CDK18: variants seen among roughly 807,000 people sequenced by gnomAD.
The protein encoded by CDK18 is cyclin-dependent kinase 18.
A neutral mutation model predicts 62.0 loss-of-function variants in CDK18; 52 were observed. The ratio of observed to expected loss-of-function variants is 0.84; its 90% CI spans 0.67 to 1.06. The LOEUF is 1.06. Ranked by LOEUF, CDK18 falls within the 50% of genes least tolerant of loss-of-function variation. CDK18 has a pLI of 0.00. For synonymous variants in CDK18, 237 were observed against 247.0 expected (o/e 0.96, Z 0.38); for missense variants, 604 against 619.9 (o/e 0.97, Z 0.27).
In CDK18 at chr1:205,529,506, G is replaced by C; in HGVS notation, c.1179-15G>C. On this transcript the variant is annotated splice_polypyrimidine_tract_variant and intron_variant, in intron 12 of 15. Transcript: ENST00000429964. ...CCAATCAGGCACAGCCTGTGTCCGC[G>C]CCTTCTCCTTGCAGGTTGGATACGG... 1 of 1,609,934 alleles carries C rather than the reference G, an allele frequency of 6.2e-7. No homozygotes were observed. Among genetic ancestry groups the C allele is most frequent in the South Asian group, 1.1e-5 (1 of 90,636 alleles).
chr1:205,526,747 C>G, intron 7 of CDK18, 28 bp from the exon 8 acceptor site: 1 of 1,602,306 alleles, frequency 6.2e-7, no homozygotes, highest in Non-Finnish European at 8.6e-7. Flanking sequence ...CAGCGTGGGG[C>G]AGGACTGAGC....
chr1:205,520,516 A>G (rs369248004), intron 1 of CDK18, among the ~76,000 whole-genome samples: 3 of 152,110 alleles, frequency 2.0e-5, no homozygotes, highest in African/African-American at 7.2e-5. Flanking sequence ...CCTGGCCAAC[A>G]TGGCGAAATC....
chr1:205,523,523 G>C lies in CDK18; in HGVS notation c.171G>C (p.Glu57Asp). 1.2e-6 allele frequency: 2 copies of C among 1,607,048 alleles called. No homozygotes were observed. The highest frequency in any genetic ancestry group is 1.7e-5 in the Admixed American group (1 of 59,318). Residue 57 changes from glutamate to aspartate, a missense_variant, in exon 3 of 16, where the codon GAG becomes GAC. By Grantham distance (45) the Glu-to-Asp change is conservative (BLOSUM62 2). Transcript: ENST00000429964. ...CTCTTGGCAGAGACCCCCCGCAGGA[G>C]TGCAGCACCTTCTCCCCAACAGACA... ...LGPLGRDPPQECSTFSPTDSG... is the reference protein window; with the variant it reads ...LGPLGRDPPQDCSTFSPTDSG...
At chr1:205,525,069 G>C (rs563457421) in intron 4 of CDK18, 70 bp from the exon 5 acceptor site, 1 of 997,700 alleles carries the variant, frequency 1.0e-6, no homozygotes, top group East Asian at 2.4e-5. Flanking sequence ...GCTGGAGTTG[G>C]GGGAGGCGTC....
chr1:205,528,056 A>G lies in CDK18; in HGVS notation c.862A>G (p.Arg288Gly). Residue 288 changes from arginine to glycine, a missense_variant, in exon 10 of 16, where the codon AGG (arginine) becomes GGG (glycine). Coordinates refer to ENST00000429964, the MANE Select transcript of CDK18 (RefSeq NM_212502.3). The surrounding 1 kb of genome is among the most constrained non-coding windows in gnomAD (Gnocchi z 4.2). ...GACATGTCTGCCCCCAGGACTGGCC[A>G]GGGCCAAGTCAGTGCCCACAAAGAC... The part of the protein sequence containing the change: ...ELKLADFGLA[R>G]AKSVPTKTYS... 6.2e-7 allele frequency: 1 copy of G among 1,614,170 alleles called. No homozygotes were observed. Among genetic ancestry groups the G allele is most frequent in the Non-Finnish European group, 8.5e-7 (1 of 1,179,988 alleles).
intron 4 of CDK18, 98 bp downstream of exon 4, chr1:205,524,455 G>A: frequency 7.0e-7 from 1 of 1,435,454 alleles, no homozygotes; most frequent in Non-Finnish European, 9.6e-7. Flanking sequence ...GGATTTCGAG[G>A]AAGATTCCTG....
chr1:205,506,871 G>A (rs921855119), intron 1 of CDK18, among the ~76,000 whole-genome samples: 1 of 152,226 alleles, frequency 6.6e-6, no homozygotes, highest in South Asian at 2.1e-4. Flanking sequence ...GATCTGAGGA[G>A]CAAATAGGTT....
rs1668527667 is a variant in CDK18, at chr1:205,527,966, G to T, written c.853+49G>T. 4 of 1,613,122 alleles carry T rather than the reference G, an allele frequency of 2.5e-6. No homozygotes were observed. The highest frequency in any genetic ancestry group is 3.4e-6 in the Non-Finnish European group (4 of 1,179,350). On this transcript the variant is annotated intron_variant, in intron 9 of 15. Coordinates refer to ENST00000429964, the MANE Select transcript of CDK18 (RefSeq NM_212502.3). The surrounding 1 kb of genome is among the most constrained non-coding windows in gnomAD (Gnocchi z 4.1). ...GTCTGACGCTACTGGGGTGCCTCAGGGTGTGGGTGCAGTGGGGGAGGGCAT... is the reference window on the plus strand; with the variant it reads ...GTCTGACGCTACTGGGGTGCCTCAGTGTGTGGGTGCAGTGGGGGAGGGCAT...
rs1349837140 is a variant in CDK18, at chr1:205,516,434, C to T, written c.-21-6713C>T. ...TCAGAAAGTGGGCAGCCACAAGTTACGTCCCCCAACCCCTGCCCCTGGGCC... is the reference window on the plus strand; with the variant it reads ...TCAGAAAGTGGGCAGCCACAAGTTATGTCCCCCAACCCCTGCCCCTGGGCC... On this transcript the variant is annotated intron_variant, in intron 1 of 15. Transcript: ENST00000429964. The surrounding 1 kb of genome is among the most constrained non-coding windows in gnomAD (Gnocchi z 4.8). Among the ~76,000 whole-genome samples the T allele has an allele frequency of 3.3e-5, 5 of 152,132 alleles. No individual in the cohort carries two copies. Among genetic ancestry groups the T allele is most frequent in the East Asian group, 1.9e-4 (1 of 5,198 alleles).
chr1:205,526,234 C>T, intron 6 of CDK18, 55 bp downstream of exon 6: 1 of 1,521,996 alleles, frequency 6.6e-7, no homozygotes, highest in South Asian at 1.1e-5. Context: ...GAGGGGTTCA[C>T]CAGCCTGCAC....
At position 205,531,747 on chromosome 1, in the gene CDK18, C is replaced by A; in HGVS notation, c.*369C>A. On this transcript the variant is annotated 3_prime_UTR_variant, in exon 16 of 16. Transcript: ENST00000429964. The stretch of plus-strand genomic sequence containing the variant: ...CAGGATGGGCACTCTGCCCTGGATA[C>A]AGGCTCTACCCTCCTCCCCCAGGAC... The A allele has an allele frequency of 3.5e-6, 1 of 282,904 alleles. No individual in the cohort carries two copies. Among genetic ancestry groups the A allele is most frequent in the Non-Finnish European group, 6.9e-6 (1 of 145,728 alleles). 17.5% of individuals were successfully genotyped at this position (282,904 alleles called of 1,614,324 possible).
chr1:205,523,634 C>T lies in CDK18; in HGVS notation c.273+9C>T. The T allele has an allele frequency of 6.4e-7, 1 of 1,561,372 alleles. No individual in the cohort carries two copies. The stretch of plus-strand genomic sequence containing the variant: ...GCCGCTTCTCCATGGAGGTAAGGGC[C>T]TCTGGAGCTCTGCCCCGGCAGGTGG... On this transcript the variant is annotated intron_variant, in intron 3 of 15. Coordinates refer to ENST00000429964, the MANE Select transcript of CDK18 (RefSeq NM_212502.3).
intron 1 of CDK18, among the ~76,000 whole-genome samples, chr1:205,513,992 T>G (rs1011433733): frequency 6.6e-6 from 1 of 152,188 alleles, no homozygotes; most frequent in Non-Finnish European, 1.5e-5. Context: ...GAGTCCAGCT[T>G]TCATATTTCA....
In CDK18 at chr1:205,528,243, A is replaced by G; in HGVS notation, c.974+75A>G. ...CCTCCAGACTCTCCTTTGCTTCCCCAAGGGCCTCGGGGAAGAACTGCCTAA... is the reference window on the plus strand; with the variant it reads ...CCTCCAGACTCTCCTTTGCTTCCCCGAGGGCCTCGGGGAAGAACTGCCTAA... On this transcript the variant is annotated intron_variant, in intron 10 of 15. Transcript: ENST00000429964. The surrounding 1 kb of genome is among the most constrained non-coding windows in gnomAD (Gnocchi z 4.2). 1.3e-6 allele frequency: 2 copies of G among 1,545,110 alleles called. No homozygotes were observed. Among genetic ancestry groups the G allele is most frequent in the Non-Finnish European group, 1.8e-6 (2 of 1,131,316 alleles).
At position 205,516,616 on chromosome 1, in the gene CDK18, C is replaced by T. The variant is rs1048440067; in HGVS notation, c.-21-6531C>T. On this transcript the variant is annotated intron_variant, in intron 1 of 15. Coordinates refer to ENST00000429964, the MANE Select transcript of CDK18 (RefSeq NM_212502.3). The surrounding 1 kb of genome is among the most constrained non-coding windows in gnomAD (Gnocchi z 4.8). ...CACCAGCACCAGGCATAGAGACCAA[C>T]GTGCTCCAGATGAGGGAGACAGGTG... is the stretch of plus-strand genomic sequence containing the variant. Among the ~76,000 whole-genome samples, 3 of 152,194 alleles carry T rather than the reference C, an allele frequency of 2.0e-5. No individual in the cohort carries two copies. Among genetic ancestry groups the T allele is most frequent in the African/African-American group, 4.8e-5 (2 of 41,450 alleles).
In CDK18 at chr1:205,507,117, G is replaced by A. The variant is rs533355842; in HGVS notation, c.-22+2321G>A. On this transcript the variant is annotated intron_variant, in intron 1 of 15. Transcript: ENST00000429964. ...AGCCTCTACTTTCTGGGATCACCCTGTTGGGACTTTTGTCCAGCATCTCCA... is the reference window on the plus strand; with the variant it reads ...AGCCTCTACTTTCTGGGATCACCCTATTGGGACTTTTGTCCAGCATCTCCA... Among the ~76,000 whole-genome samples, 44 of 152,320 alleles carry A rather than the reference G, an allele frequency of 2.9e-4. 1 individual carries two copies. Among genetic ancestry groups the A allele is most frequent in the Admixed American group, 2.1e-3 (32 of 15,302 alleles).
chr1:205,530,434 G>T lies in CDK18; in HGVS notation c.1312+85G>T, dbSNP rs1668680733. The T allele has an allele frequency of 4.2e-6, 6 of 1,431,340 alleles. No individual in the cohort carries two copies. In the South Asian group the frequency reaches 6.9e-5, roughly 16 times the overall value. The allele number at this position is 1,431,340 out of a possible 1,614,324, so 88.7% of individuals were successfully genotyped here. ...GTGGGCAGAAGAACCAGAACAAAGA[G>T]GCCAGAGGCCCCAGCCCCAGCAGAG... is the stretch of plus-strand genomic sequence containing the variant. On this transcript the variant is annotated intron_variant, in intron 14 of 15. Transcript: ENST00000429964.
Position 205,528,179 on chromosome 1 carries a change from A to C in CDK18, c.974+11A>C, listed in dbSNP as rs775780776. On this transcript the variant is annotated intron_variant, in intron 10 of 15. Coordinates refer to ENST00000429964, the MANE Select transcript of CDK18 (RefSeq NM_212502.3). The surrounding 1 kb of genome is among the most constrained non-coding windows in gnomAD (Gnocchi z 4.2). ...CCCCATTGATATGTGGTGAGTGAGC[A>C]CTGTGGGGACCGAGGAGGGGAGGAC... 38 of 1,612,884 alleles carry C rather than the reference A, an allele frequency of 2.4e-5. No homozygotes were observed. Among genetic ancestry groups the C allele is most frequent in the Non-Finnish European group, 3.1e-5 (37 of 1,179,874 alleles).
intron 15 of CDK18, 105 bp downstream of exon 15, chr1:205,530,810 CT>C: frequency 1.2e-6 from 1 of 854,712 alleles, no homozygotes; most frequent in Non-Finnish European, 1.9e-6. Context: ...ACTGGCTTCC[CT>C]TTGGACTCTT....
Sources: gnomAD v4.1 joint callset for allele counts (sites outside exome capture counted in the v4.1 genomes callset) on GRCh38, gnomAD v4.1.1 for gene constraint, Gnocchi (gnomAD v3.1) non-coding constraint, MANE v1.5 for transcripts, NCBI Gene and HGNC (gene_info 2026-07-23, HGNC 2026-07-21) for gene names.